ADAMTSL1: variants seen among roughly 807,000 people sequenced by gnomAD.
ADAMTSL1 encodes ADAMTS like 1.
ADAMTSL1 carries 126 observed loss-of-function variants against 201.8 expected under a neutral mutation model. The observed-to-expected ratio is 0.62, with a 90% confidence interval of 0.54 to 0.72. The LOEUF (loss-of-function observed/expected upper bound fraction) is 0.72. Ranked by LOEUF, ADAMTSL1 falls within the 30% of genes least tolerant of loss-of-function variation. The pLI, the probability that ADAMTSL1 is intolerant of heterozygous loss-of-function variation, is 0.00. For missense variants in ADAMTSL1, 2,679 were observed against 2,277.8 expected (o/e 1.18, Z -3.59); for synonymous variants, 1,121 against 903.4 (o/e 1.24, Z -4.32).
chr9:18,408,634 A>G (rs1341773866), intron 2 of ADAMTSL1, among the ~76,000 whole-genome samples: 6 of 152,346 alleles, frequency 3.9e-5, no homozygotes, highest in African/African-American at 1.4e-4. Flanking sequence ...AAATATTATA[A>G]AAACAATTAT....
intron 1 of ADAMTSL1, among the ~76,000 whole-genome samples, chr9:18,061,022 A>G (rs1224063349): frequency 1.3e-5 from 2 of 152,102 alleles, no homozygotes; most frequent in Non-Finnish European, 2.9e-5. Context: ...GTTTTCTGCG[A>G]CTCAGAGTTT....
intron 1 of ADAMTSL1, among the ~76,000 whole-genome samples, chr9:17,972,839 T>C (rs1320504174): frequency 7.1e-6 from 1 of 140,900 alleles, no homozygotes; most frequent in Non-Finnish European, 1.6e-5. Context: ...TTTCCTGACT[T>C]TTTAATGATC....
chr9:18,485,272 A>G (rs1188661419), intron 1 of ADAMTSL1, among the ~76,000 whole-genome samples: 2 of 152,182 alleles, frequency 1.3e-5, no homozygotes, highest in African/African-American at 4.8e-5. Context: ...TGAAAAAGCC[A>G]AAAGTCCCAG....
At chr9:18,341,650 A>G in intron 2 of ADAMTSL1, among the ~76,000 whole-genome samples, 1 of 152,286 alleles carries the variant, frequency 6.6e-6, no homozygotes, top group Middle Eastern at 3.4e-3. Context: ...AATAGCATAA[A>G]CTGAATATTT....
chr9:18,093,686 C>T (rs1373191012), intron 1 of ADAMTSL1, among the ~76,000 whole-genome samples: 3 of 152,150 alleles, frequency 2.0e-5, no homozygotes, highest in African/African-American at 7.2e-5. Context: ...GAAATAGGCT[C>T]TCCTAAAGTT....
chr9:18,332,790 G>A (rs765706318), intron 2 of ADAMTSL1, among the ~76,000 whole-genome samples: 15 of 152,054 alleles, frequency 9.9e-5, no homozygotes, highest in African/African-American at 1.9e-4. Context: ...CCATTGAACC[G>A]CCAGAGTTCA....
At chr9:17,938,163 A>G (rs1349637874) in intron 1 of ADAMTSL1, among the ~76,000 whole-genome samples, 1 of 152,080 alleles carries the variant, frequency 6.6e-6, no homozygotes, top group Non-Finnish European at 1.5e-5. Flanking sequence ...AGTTGTGTGC[A>G]CTCGTCTCTA....
chr9:18,126,907 A>C (rs1825754813), intron 1 of ADAMTSL1, among the ~76,000 whole-genome samples: 1 of 152,190 alleles, frequency 6.6e-6, no homozygotes, highest in African/African-American at 2.4e-5. Flanking sequence ...TTTCCTACAC[A>C]ACATTTTTTA....
At chr9:18,030,848 C>G (rs1820921603) in intron 1 of ADAMTSL1, among the ~76,000 whole-genome samples, 1 of 152,098 alleles carries the variant, frequency 6.6e-6, no homozygotes, top group African/African-American at 2.4e-5. Flanking sequence ...TTTGGAGGCT[C>G]TGATCATTTT....
At chr9:18,116,199 G>C (rs1268227239) in intron 1 of ADAMTSL1, among the ~76,000 whole-genome samples, 1 of 152,144 alleles carries the variant, frequency 6.6e-6, no homozygotes, top group East Asian at 1.9e-4. Context: ...AGTGAACACA[G>C]ACGTTTATGG....
intron 23 of ADAMTSL1, among the ~76,000 whole-genome samples, chr9:18,861,722 A>T (rs1490253713): frequency 3.3e-5 from 5 of 152,090 alleles, no homozygotes; most frequent in Non-Finnish European, 7.4e-5. Context: ...GTCCTTGAAA[A>T]ACCATTCGCT....
chr9:18,712,656 C>T (rs1490374468), intron 14 of ADAMTSL1, among the ~76,000 whole-genome samples: 1 of 150,214 alleles, frequency 6.7e-6, no homozygotes, highest in Non-Finnish European at 1.5e-5. Context: ...GAGAATGGAA[C>T]CAAGTTGGAA....
chr9:18,025,766 A>G (rs1341053022), intron 1 of ADAMTSL1, among the ~76,000 whole-genome samples: 5 of 151,898 alleles, frequency 3.3e-5, no homozygotes, highest in Non-Finnish European at 1.5e-5. Flanking sequence ...GAATTTTAGA[A>G]TAGGTTTTTC....
intron 1 of ADAMTSL1, among the ~76,000 whole-genome samples, chr9:18,493,745 T>A (rs1822379984): frequency 6.6e-6 from 1 of 152,234 alleles, no homozygotes; most frequent in South Asian, 2.1e-4. Flanking sequence ...TGCATACATT[T>A]TTTCCCTCTG....
intron 1 of ADAMTSL1, among the ~76,000 whole-genome samples, chr9:18,069,533 T>A (rs933045323): frequency 4.6e-5 from 7 of 152,230 alleles, no homozygotes; most frequent in African/African-American, 9.6e-5. Context: ...ATTGTTTTAA[T>A]GCTGGTTACA....
intron 2 of ADAMTSL1, among the ~76,000 whole-genome samples, chr9:18,515,239 C>G (rs960468620): frequency 6.6e-6 from 1 of 152,106 alleles, no homozygotes; most frequent in Admixed American, 6.5e-5. Context: ...TTTAAAATTG[C>G]TGCCGTCTCG....
intron 1 of ADAMTSL1, among the ~76,000 whole-genome samples, chr9:17,909,844 C>G (rs1380871778): frequency 3.0e-5 from 2 of 66,300 alleles, no homozygotes; most frequent in Admixed American, 1.8e-4. Flanking sequence ...GGTGGGGGGA[C>G]CGGGGAGGGA....
chr9:18,307,869 C>T lies in ADAMTSL1; in HGVS notation c.207+143888C>T, dbSNP rs117751777. On this transcript the variant is annotated intron_variant, in intron 2 of 29. Coordinates refer to the ADAMTSL1 transcript ENST00000680146. ...CCTAATAGACATCTATAGGACTCTT[C>T]ACCCAAAATCAACAGAATATACATT... Among the ~76,000 whole-genome samples the T allele has an allele frequency of 6.5e-3, 989 of 152,288 alleles. 6 individuals carry two copies. Among genetic ancestry groups the T allele is most frequent in the Middle Eastern group, 0.014 (4 of 294 alleles).
chr9:17,949,942 G>C (rs116085158), intron 1 of ADAMTSL1, among the ~76,000 whole-genome samples: 1,645 of 151,756 alleles, frequency 0.011, 34 homozygotes, highest in African/African-American at 0.038. Context: ...TTTTTGAGAC[G>C]GTGTCTGGCT....
Sources: gnomAD v4.1 joint callset for allele counts (sites outside exome capture counted in the v4.1 genomes callset) on GRCh38, gnomAD v4.1.1 for gene constraint, MANE v1.5 for transcripts, NCBI Gene and HGNC (gene_info 2026-07-23, HGNC 2026-07-21) for gene names.